Variants in MGST2 observed in about 807,000 individuals in gnomAD.
MGST2 encodes glutathione peroxidase MGST2.
Under a neutral mutation model 16.6 loss-of-function variants are expected in MGST2, and 9 were observed. The observed-to-expected ratio is 0.54, with a 90% CI of 0.33 to 0.95. The LOEUF (loss-of-function observed/expected upper bound fraction) is 0.95, where lower values mean the gene tolerates loss of function less well. MGST2 is among the 40% of genes least tolerant of loss of function. The pLI, the probability that MGST2 is intolerant of heterozygous loss-of-function variation, is 0.03. For synonymous variants in MGST2, 79 were observed against 68.0 expected, an observed-to-expected ratio of 1.16 and a Z score of -0.79; for missense variants, 159 against 175.1, an observed-to-expected ratio of 0.91 and a Z score of 0.52.
intron 2 of MGST2, among the ~76,000 whole-genome samples, chr4:139,688,241 A>C (rs1726359519): frequency 6.6e-6 from 1 of 152,038 alleles, no homozygotes; most frequent in Non-Finnish European, 1.5e-5. Flanking sequence ...ACCATTTAGA[A>C]ATTTTGGTTC....
intron 3 of MGST2, among the ~76,000 whole-genome samples, chr4:139,696,711 T>C (rs1170722433): frequency 6.6e-6 from 1 of 152,228 alleles, no homozygotes; most frequent in African/African-American, 2.4e-5. Flanking sequence ...TACACAGTGT[T>C]CTTCAGCAAG....
chr4:139,670,443 A>G (rs568423463), intron 1 of MGST2, among the ~76,000 whole-genome samples: 4 of 152,302 alleles, frequency 2.6e-5, no homozygotes, highest in African/African-American at 9.6e-5. Context: ...AATTATAGGC[A>G]AAGACATAAA....
chr4:139,667,465 G>T (rs1308795028), intron 1 of MGST2, among the ~76,000 whole-genome samples: 2 of 138,318 alleles, frequency 1.4e-5, no homozygotes, highest in African/African-American at 5.3e-5. Flanking sequence ...GTGAACTGGG[G>T]CCAGAATGTT....
intron 5 of MGST2, among the ~76,000 whole-genome samples, chr4:139,732,350 A>G (rs1170891819): frequency 1.3e-5 from 2 of 152,076 alleles, no homozygotes; most frequent in Non-Finnish European, 2.9e-5. Flanking sequence ...CTGTAGAACC[A>G]TGCAGGCTTC....
chr4:139,708,421 T>C (rs1039821602), downstream of MGST2, among the ~76,000 whole-genome samples: 4 of 151,932 alleles, frequency 2.6e-5, no homozygotes, highest in African/African-American at 2.4e-5. Flanking sequence ...CATTGATCTA[T>C]ATCTCTTTTT....
the MGST2 span, among the ~76,000 whole-genome samples, chr4:139,747,202 C>G: frequency 7.9e-5 from 12 of 152,258 alleles, no homozygotes; most frequent in Non-Finnish European, 1.2e-4. Flanking sequence ...ACCCTTAAAG[C>G]TTATACCAAA....
At chr4:139,750,581 G>A in the MGST2 span, among the ~76,000 whole-genome samples, 25 of 152,214 alleles carry the variant, frequency 1.6e-4, no homozygotes, top group African/African-American at 5.5e-4. Flanking sequence ...GATGAAACTC[G>A]ACACACTGGA....
At chr4:139,711,113 A>G (rs1025498744) in intron 5 of MGST2, among the ~76,000 whole-genome samples, 3 of 151,586 alleles carry the variant, frequency 2.0e-5, no homozygotes. Context: ...TCCTGGGCTC[A>G]GGTGATTCTC....
chr4:139,713,473 C>CAAAA (rs1217817783), intron 5 of MGST2, among the ~76,000 whole-genome samples: 3 of 4,118 alleles, frequency 7.3e-4, no homozygotes, highest in Non-Finnish European at 1.1e-3. Flanking sequence ...AGTGGCAAGA[C>CAAAA]AGAAAAAAAA....
rs776869274 is a variant in MGST2 at position 139,720,282 on chromosome 4, G to A, written c.*48+16086G>A. On this transcript the variant is annotated intron_variant, in intron 5 of 5. Transcript: ENST00000616265. ...AGCCGTGACGTTCGCATGCTCTGGAGGGCTGCTTGGCTTCTTACGGCTGCT... is the reference window on the plus strand; with the variant it reads ...AGCCGTGACGTTCGCATGCTCTGGAAGGCTGCTTGGCTTCTTACGGCTGCT... The A allele has an allele frequency of 1.9e-6, 3 of 1,567,606 alleles. No individual in the cohort carries two copies. In the African/African-American group the frequency reaches 4.1e-5, roughly 21 times the overall value.
At chr4:139,729,293 C>A (rs1277180306) in intron 5 of MGST2, among the ~76,000 whole-genome samples, 1 of 151,914 alleles carries the variant, frequency 6.6e-6, no homozygotes, top group Non-Finnish European at 1.5e-5. Flanking sequence ...CCGTGTCCTA[C>A]ACAGGATACA....
intron 5 of MGST2, among the ~76,000 whole-genome samples, chr4:139,739,965 C>T (rs1228732219): frequency 2.0e-5 from 3 of 152,178 alleles, no homozygotes; most frequent in Non-Finnish European, 4.4e-5. Context: ...CCTGAGCCCA[C>T]CTTACGCTCT....
chr4:139,688,170 C>T (rs1726356010), intron 2 of MGST2, among the ~76,000 whole-genome samples: 1 of 152,186 alleles, frequency 6.6e-6, no homozygotes, highest in Non-Finnish European at 1.5e-5. Flanking sequence ...CATTATTAAG[C>T]ATCTTTCATC....
intron 3 of MGST2, chr4:139,698,595 T>G (rs1373183311): frequency 1.9e-5 from 15 of 796,826 alleles, no homozygotes; most frequent in Non-Finnish European, 1.1e-5. Flanking sequence ...CTCCTTCGGC[T>G]GGAGCTCGGC....
intron 1 of MGST2, among the ~76,000 whole-genome samples, chr4:139,675,949 A>G (rs1382902836): frequency 6.6e-6 from 1 of 152,194 alleles, no homozygotes; most frequent in Non-Finnish European, 1.5e-5. Flanking sequence ...AGAAGCCTGG[A>G]ACCGGCCTTA....
In MGST2 at chr4:139,666,107, CGCG is replaced by C. The variant is rs1730326960; in HGVS notation, c.58+31_58+33del. On this transcript the variant is annotated intron_variant, in intron 1 of 4. Coordinates refer to ENST00000265498, the MANE Select transcript of MGST2 (RefSeq NM_002413.5). ...GAGGCATGGGAAGTTCGTGTGTGTG[CGCG>C]TGTGTGCGTGTGTGTGTGTGTGTGA... 2.1e-5 allele frequency: 25 copies of C among 1,174,930 alleles called. No homozygotes were observed. In the South Asian group the frequency reaches 4.7e-4, roughly 22 times the overall value. 72.8% of individuals were successfully genotyped at this position (1,174,930 alleles called of 1,614,324 possible).
intron 5 of MGST2, among the ~76,000 whole-genome samples, chr4:139,712,509 T>G (rs1402754532): frequency 6.6e-6 from 1 of 152,218 alleles, no homozygotes; most frequent in Non-Finnish European, 1.5e-5. Context: ...ACAGCAAGGA[T>G]AATTATTTTT....
chr4:139,673,622 C>T (rs1037935999), intron 1 of MGST2, among the ~76,000 whole-genome samples: 7 of 152,218 alleles, frequency 4.6e-5, no homozygotes, highest in African/African-American at 1.7e-4. Flanking sequence ...CTATGTTGTC[C>T]AGGCTGGTCT....
chr4:139,717,144 A>G (rs1221985201), intron 5 of MGST2: 1 of 152,632 alleles, frequency 6.6e-6, no homozygotes, highest in Non-Finnish European at 1.5e-5. Flanking sequence ...TTACATATAC[A>G]TCAGCACCGT....
Sources: allele counts gnomAD v4.1 joint callset (sites outside exome capture counted in the v4.1 genomes callset), GRCh38; gene constraint gnomAD v4.1.1; transcripts MANE v1.5; gene names NCBI Gene and HGNC (gene_info 2026-07-23, HGNC 2026-07-21).